The following VWC2 variants were observed in gnomAD, a reference collection of about 807,000 sequenced individuals.
VWC2 encodes the protein von Willebrand factor C domain containing 2.
A neutral mutation model predicts 29.8 loss-of-function variants in VWC2; 14 were observed. The ratio of observed to expected loss-of-function variants is 0.47; its 90% CI spans 0.31 to 0.74. The LOEUF (loss-of-function observed/expected upper bound fraction) is 0.74. VWC2 is among the 30% of genes least tolerant of loss of function. The pLI, the probability that VWC2 is intolerant of heterozygous loss-of-function variation, is 0.05. For synonymous variants in VWC2, 213 were observed against 199.0 expected, an observed-to-expected ratio of 1.07 and a Z score of -0.59; for missense variants, 457 against 459.8, an observed-to-expected ratio of 0.99 and a Z score of 0.05.
intron 3 of VWC2, among the ~76,000 whole-genome samples, chr7:49,821,351 T>C (rs1789257728): frequency 6.6e-6 from 1 of 152,184 alleles, no homozygotes. Flanking sequence ...AAGAAGAGGA[T>C]CTCAAGACAA....
At chr7:49,792,562 G>T (rs1396466814) in intron 2 of VWC2, among the ~76,000 whole-genome samples, 4 of 152,152 alleles carry the variant, frequency 2.6e-5, no homozygotes, top group Admixed American at 6.5e-5. Flanking sequence ...TGGGGATGGC[G>T]CAGTCCAGTT....
At chr7:49,832,113 A>G (rs756891957) in intron 3 of VWC2, among the ~76,000 whole-genome samples, 1 of 152,222 alleles carries the variant, frequency 6.6e-6, no homozygotes, top group African/African-American at 2.4e-5. Flanking sequence ...TTTATGAGGC[A>G]GAAAAATGGG....
At position 49,799,562 on chromosome 7, in the gene VWC2, G is replaced by A. The variant is rs117002562; in HGVS notation, c.697-3149G>A. ...ACATAGGAGCCCAGCATGGGTGCTG[G>A]TGAAGGCAGATGTAGGTGGTAGGAG... On this transcript the variant is annotated intron_variant, in intron 2 of 3. Transcript: ENST00000340652. 5.5e-3 allele frequency among the ~76,000 whole-genome samples: 833 copies of A among 152,376 alleles called. 9 individuals are homozygous for A. The highest frequency in any genetic ancestry group is 0.017 in the Middle Eastern group (5 of 294).
intron 3 of VWC2, among the ~76,000 whole-genome samples, chr7:49,807,250 C>T (rs962757925): frequency 6.6e-6 from 1 of 152,286 alleles, no homozygotes; most frequent in Admixed American, 6.5e-5. Flanking sequence ...GTACAAAATT[C>T]TAGCCAAAAA....
chr7:49,842,115 TC>T (rs1229520557), intron 3 of VWC2, among the ~76,000 whole-genome samples: 24 of 152,072 alleles, frequency 1.6e-4, no homozygotes, highest in Non-Finnish European at 1.5e-5. Context: ...TGATCCACCC[TC>T]CTCAACCTCC....
intron 3 of VWC2, among the ~76,000 whole-genome samples, chr7:49,817,607 C>A (rs903043127): frequency 2.0e-5 from 3 of 152,174 alleles, no homozygotes; most frequent in Non-Finnish European, 4.4e-5. Flanking sequence ...AACAGCAAAA[C>A]CCAAACCTTT....
chr7:49,789,929 T>C (rs1583628477), intron 2 of VWC2, among the ~76,000 whole-genome samples: 1 of 152,234 alleles, frequency 6.6e-6, no homozygotes, highest in African/African-American at 2.4e-5. Flanking sequence ...CTACGGCCCC[T>C]TGGCTCCTTG....
intron 3 of VWC2, among the ~76,000 whole-genome samples, chr7:49,870,272 C>T (rs1403425496): frequency 4.6e-5 from 7 of 151,996 alleles, no homozygotes; most frequent in South Asian, 4.2e-4. Context: ...TGGTGGCGGG[C>T]GCCTGTAGTC....
At chr7:49,855,048 C>T (rs1036583375) in intron 3 of VWC2, among the ~76,000 whole-genome samples, 4 of 152,112 alleles carry the variant, frequency 2.6e-5, no homozygotes, top group African/African-American at 7.2e-5. Context: ...GAGGAGTTCT[C>T]GGCTTCTATA....
rs71018432 is a variant in VWC2 at position 49,875,369 on chromosome 7, CAAAAAAAAAAAAAAA to C, written c.827-36651_827-36637del. The stretch of plus-strand genomic sequence containing the variant: ...TGGGTAACAGAGTGAGATTCTGACT[CAAAAAAAAAAAAAAA>C]AAAAAAAAAAAAACAGGAATAAATG... On this transcript the variant is annotated intron_variant, in intron 3 of 3. Transcript: ENST00000340652. Among the ~76,000 whole-genome samples the C allele has an allele frequency of 5.3e-4, 10 of 19,016 alleles. 1 individual carries two copies. The highest frequency in any genetic ancestry group is 1.8e-3 in the African/African-American group (8 of 4,456). 12.5% of individuals were successfully genotyped at this position (19,016 alleles called of 152,430 possible).
chr7:49,892,774 A>T (rs1451204725), intron 3 of VWC2, among the ~76,000 whole-genome samples: 1 of 152,152 alleles, frequency 6.6e-6, no homozygotes, highest in East Asian at 1.9e-4. Context: ...TTATTCGTTC[A>T]TTTTTCAAAC....
chr7:49,774,758 T>A (rs1354738902), intron 1 of VWC2, among the ~76,000 whole-genome samples: 1 of 152,084 alleles, frequency 6.6e-6, no homozygotes, highest in Non-Finnish European at 1.5e-5. Context: ...GGAGGGGGCG[T>A]CTGCTCCCGA....
chr7:49,811,745 A>G (rs1453827684), intron 3 of VWC2, among the ~76,000 whole-genome samples: 1 of 152,234 alleles, frequency 6.6e-6, no homozygotes, highest in Non-Finnish European at 1.5e-5. Context: ...TTTGGAAAAC[A>G]GTTTGGCAGT....
At chr7:49,832,539 T>C (rs1398328919) in intron 3 of VWC2, among the ~76,000 whole-genome samples, 1 of 152,194 alleles carries the variant, frequency 6.6e-6, no homozygotes, top group Non-Finnish European at 1.5e-5. Context: ...AAAGTTACTT[T>C]CCTTACAGGG....
intron 3 of VWC2, among the ~76,000 whole-genome samples, chr7:49,839,354 C>T (rs1246896696): frequency 6.6e-6 from 1 of 152,180 alleles, no homozygotes; most frequent in African/African-American, 2.4e-5. Flanking sequence ...GGATAACTTA[C>T]AATATGTGAT....
chr7:49,837,209 G>T (rs1789684519), intron 3 of VWC2, among the ~76,000 whole-genome samples: 1 of 152,084 alleles, frequency 6.6e-6, no homozygotes, highest in Non-Finnish European at 1.5e-5. Context: ...ATTCAATGAG[G>T]GAATATTTAA....
At chr7:49,792,986 C>A (rs985661172) in intron 2 of VWC2, among the ~76,000 whole-genome samples, 1 of 152,194 alleles carries the variant, frequency 6.6e-6, no homozygotes, top group Non-Finnish European at 1.5e-5. Context: ...CGTGCTTATT[C>A]CTTTACAGTT....
rs889898746 is a variant in VWC2 at position 49,774,716 on chromosome 7, C to A, written c.-104+603C>A. ...CGGCCCTCTGGCAAGGGGCCGAGGG[C>A]ATCCTTTCATGCAGCGGGGCTTAGA... is the stretch of plus-strand genomic sequence containing the variant. On this transcript the variant is annotated intron_variant, in intron 1 of 3. Coordinates refer to ENST00000340652, the MANE Select transcript of VWC2 (RefSeq NM_198570.5). Among the ~76,000 whole-genome samples, 63 of 152,308 alleles carry A rather than the reference C, an allele frequency of 4.1e-4. 1 individual carries two copies. The highest frequency in any genetic ancestry group is 1.5e-3 in the African/African-American group (61 of 41,582).
chr7:49,852,353 G>T (rs888557734), intron 3 of VWC2, among the ~76,000 whole-genome samples: 2 of 152,218 alleles, frequency 1.3e-5, no homozygotes, highest in African/African-American at 4.8e-5. Flanking sequence ...TCAAAGAAGA[G>T]GCCTGGCAGG....
Sources: gnomAD v4.1 joint callset for allele counts (sites outside exome capture counted in the v4.1 genomes callset) on GRCh38, gnomAD v4.1.1 for gene constraint, MANE v1.5 for transcripts, NCBI Gene and HGNC (gene_info 2026-07-23, HGNC 2026-07-21) for gene names.